The following CDH10 variants were observed in gnomAD, a reference collection of about 807,000 sequenced individuals.
CDH10 encodes the protein cadherin 10.
In CDH10, 30 loss-of-function variants were observed where a neutral mutation model predicts 73.1. The observed-to-expected ratio is 0.41, with a 90% CI of 0.31 to 0.56. The LOEUF (loss-of-function observed/expected upper bound fraction) is 0.56, where lower values mean the gene tolerates loss of function less well. Ranked by LOEUF, CDH10 falls within the 20% of genes least tolerant of loss-of-function variation. The pLI is 0.27. For synonymous variants in CDH10, 345 were observed against 348.2 expected (o/e 0.99, Z 0.10); for missense variants, 815 against 973.7 (o/e 0.84, Z 2.17).
Position 24,505,190 on chromosome 5 carries a change from C to G in CDH10, c.1315G>C (p.Gly439Arg), listed in dbSNP as rs2111726844. 1 of 1,611,642 alleles carries G rather than the reference C, an allele frequency of 6.2e-7. No individual in the cohort carries two copies. The highest frequency in any genetic ancestry group is 8.5e-7 in the Non-Finnish European group (1 of 1,177,938). Residue 439 changes from glycine to arginine, a missense_variant, in exon 8 of 12, where the codon GGA becomes CGA. Gly to Arg is a moderately radical substitution (Grantham distance 125, BLOSUM62 -2). Coordinates refer to ENST00000264463, the MANE Select transcript of CDH10 (RefSeq NM_006727.5). ...AGAGGTTTTGATGTATAAAGAGATC[C>G]ATTTCCTGAATGAATGTTAAAGATT... ...DRIFNIHSGNGSLYTSKPLDR... is the reference protein window; with the variant it reads ...DRIFNIHSGNRSLYTSKPLDR...
intron 4 of CDH10, 142 bp downstream of exon 4, chr5:24,535,561 G>A (rs1743920712): frequency 2.6e-6 from 2 of 779,094 alleles, no homozygotes; most frequent in African/African-American, 3.5e-5. Flanking sequence ...TTAACTTTGA[G>A]TTCTTATATC....
rs1746990796 is a variant in CDH10, at chr5:24,612,710, C to CA, written c.-123-19098dup. 4 of 152,170 alleles carry CA rather than the reference C, an allele frequency of 2.6e-5. No homozygotes were observed. The South Asian group carries it at 6.2e-4, about 24-fold the overall frequency. The allele number at this position is 152,170 out of a possible 1,614,324, so 9.4% of individuals were successfully genotyped here. On this transcript the variant is annotated intron_variant, in intron 1 of 11. Transcript: ENST00000264463. The stretch of plus-strand genomic sequence containing the variant: ...AGGTTTATATACATAATTCTTATGG[C>CA]AAAAATAACTTTTGGAGGAGTTATT...
chr5:24,487,979 T>G lies in CDH10; in HGVS notation c.2051A>C (p.Lys684Thr), dbSNP rs2111608352. The G allele has an allele frequency of 6.2e-7, 1 of 1,613,952 alleles. No homozygotes were observed. The highest frequency in any genetic ancestry group is 1.1e-5 in the South Asian group (1 of 91,062). Reference protein sequence around the residue: ...TLRNPAAIEEKKLRRDIIPET... With the variant: ...TLRNPAAIEETKLRRDIIPET... ...TGGAATAATATCTCGCCGGAGCTTT[T>G]TTTCCTCAATGGCTGCAGGATTCCT... Residue 684 changes from lysine to threonine, a missense_variant, in exon 12 of 12, where the codon AAA (lysine) becomes ACA (threonine). By Grantham distance (78) the Lys-to-Thr change is moderately conservative (BLOSUM62 -1). Transcript: ENST00000264463.
At chr5:24,628,371 T>G (rs1053988425) in intron 1 of CDH10, among the ~76,000 whole-genome samples, 3 of 152,156 alleles carry the variant, frequency 2.0e-5, no homozygotes, top group African/African-American at 7.2e-5. Flanking sequence ...TCACTGGAAA[T>G]GTAGTGGAGA....
At chr5:24,598,538 TA>T (rs796890253) in intron 1 of CDH10, among the ~76,000 whole-genome samples, 2,289 of 132,544 alleles carry the variant, frequency 0.017, 44 homozygotes, top group African/African-American at 0.047. Flanking sequence ...TTGTTGTTCC[TA>T]AAAAAAAAAA....
chr5:24,583,297 G>C (rs1745869593), intron 2 of CDH10, among the ~76,000 whole-genome samples: 1 of 150,602 alleles, frequency 6.6e-6, no homozygotes, highest in Non-Finnish European at 1.5e-5. Flanking sequence ...GTCTTTACAT[G>C]TTTCTCTTGG....
intron 2 of CDH10, chr5:24,578,304 G>T: frequency 4.6e-6 from 1 of 218,964 alleles, no homozygotes. Flanking sequence ...AAGCTAAAAA[G>T]TAATTACATG....
intron 1 of CDH10, among the ~76,000 whole-genome samples, chr5:24,634,866 T>C (rs1747817126): frequency 6.6e-6 from 1 of 151,706 alleles, no homozygotes; most frequent in Admixed American, 6.6e-5. Context: ...ATTTTTAAAA[T>C]AAAGCTTTTA....
intron 2 of CDH10, among the ~76,000 whole-genome samples, chr5:24,570,986 G>T (rs1745360676): frequency 6.6e-6 from 1 of 152,062 alleles, no homozygotes; most frequent in Non-Finnish European, 1.5e-5. Context: ...ACTTGTTCCT[G>T]ATGACGTGTT....
chr5:24,562,953 A>T (rs559402337), intron 2 of CDH10, among the ~76,000 whole-genome samples: 13 of 152,338 alleles, frequency 8.5e-5, no homozygotes, highest in Non-Finnish European at 1.6e-4. Context: ...TTCAGTTGGC[A>T]TTTCTTACAA....
intron 2 of CDH10, among the ~76,000 whole-genome samples, chr5:24,543,790 A>C (rs1744238765): frequency 6.6e-6 from 1 of 152,158 alleles, no homozygotes; most frequent in Admixed American, 6.6e-5. Flanking sequence ...TCTGGTCAGA[A>C]ATAAATAAAT....
intron 2 of CDH10, among the ~76,000 whole-genome samples, chr5:24,553,613 T>C (rs372719229): frequency 1.3e-5 from 2 of 152,304 alleles, no homozygotes; most frequent in Middle Eastern, 3.4e-3. Flanking sequence ...TTATTCTATG[T>C]GAATTCATGT....
At chr5:24,599,731 G>C (rs917838710) in intron 1 of CDH10, among the ~76,000 whole-genome samples, 2 of 152,068 alleles carry the variant, frequency 1.3e-5, no homozygotes, top group Non-Finnish European at 2.9e-5. Context: ...CATAAATATA[G>C]ATCTTTACGC....
intron 1 of CDH10, among the ~76,000 whole-genome samples, chr5:24,638,729 A>G (rs956894575): frequency 1.1e-4 from 17 of 151,844 alleles, no homozygotes; most frequent in African/African-American, 3.9e-4. Flanking sequence ...CTAACCCCCA[A>G]CTTATAATGC....
chr5:24,515,963 A>G (rs1561135238), intron 5 of CDH10, among the ~76,000 whole-genome samples: 2 of 152,162 alleles, frequency 1.3e-5, no homozygotes, highest in African/African-American at 2.4e-5. Context: ...CTCTTCCACC[A>G]TGACTATGAG....
chr5:24,509,814 G>A lies in CDH10; in HGVS notation c.1008C>T (p.Leu336=), dbSNP rs1010395181. 8 of 1,601,026 alleles carry A rather than the reference G, an allele frequency of 5.0e-6. No individual in the cohort carries two copies. The highest frequency in any genetic ancestry group is 3.4e-5 in the South Asian group (3 of 88,848). Residue 336 remains leucine, a synonymous_variant, in exon 7 of 12, where the codon CTC becomes CTT. Coordinates refer to ENST00000264463, the MANE Select transcript of CDH10 (RefSeq NM_006727.5). ...QEGIITVKKP[L]DYESRRLYTL... ...TATAAAGTCTTCGGCTCTCATAGTC[G>A]AGTGGCTGTATAAAAAAATAAATCA...
intron 1 of CDH10, among the ~76,000 whole-genome samples, chr5:24,610,750 G>A (rs1186364164): frequency 1.3e-5 from 2 of 152,062 alleles, no homozygotes; most frequent in African/African-American, 4.8e-5. Flanking sequence ...GTGCACTGAG[G>A]GGATAGGGAA....
At chr5:24,517,018 ATTG>A (rs1743134305) in intron 5 of CDH10, among the ~76,000 whole-genome samples, 2 of 152,140 alleles carry the variant, frequency 1.3e-5, no homozygotes, top group African/African-American at 4.8e-5. Context: ...ACAGCAAGTT[ATTG>A]TTAACATGTT....
chr5:24,545,890 G>C (rs1404841502), intron 2 of CDH10, among the ~76,000 whole-genome samples: 2 of 152,044 alleles, frequency 1.3e-5, no homozygotes, highest in East Asian at 3.9e-4. Flanking sequence ...TCAAAGGGTG[G>C]TATTTTCGGA....
Sources: gnomAD v4.1 joint callset for allele counts (sites outside exome capture counted in the v4.1 genomes callset) on GRCh38, gnomAD v4.1.1 for gene constraint, MANE v1.5 for transcripts, NCBI Gene and HGNC (gene_info 2026-07-23, HGNC 2026-07-21) for gene names.